The following TMEM115 variants were observed in gnomAD, a reference collection of about 807,000 sequenced individuals.
TMEM115 encodes transmembrane protein 115.
Under a neutral mutation model 20.1 loss-of-function variants are expected in TMEM115, and 8 were observed. That is an observed-to-expected ratio of 0.40 (90% CI 0.23 to 0.72). The LOEUF (loss-of-function observed/expected upper bound fraction) is 0.72, where lower values mean the gene tolerates loss of function less well. TMEM115 is among the 30% of genes least tolerant of loss of function. The pLI, the probability that TMEM115 is intolerant of heterozygous loss-of-function variation, is 0.39. For missense variants in TMEM115, 374 were observed against 455.1 expected (o/e 0.82, Z 1.62); for synonymous variants, 229 against 206.2 (o/e 1.11, Z -0.95).
intron 1 of TMEM115, among the ~76,000 whole-genome samples, chr3:50,356,015 G>C (rs1703863610): frequency 6.6e-6 from 1 of 152,208 alleles, no homozygotes; most frequent in Non-Finnish European, 1.5e-5. Context: ...GAGCCTCCTG[G>C]CAAGGGTCAA....
At position 50,358,282 on chromosome 3, in the gene TMEM115, T is replaced by C; in HGVS notation, c.782A>G (p.Asp261Gly). The change falls in exon 1 of 2, where the codon GAT (aspartate) becomes GGT (glycine). Residue 261 changes from aspartate (D) to glycine (G), a missense_variant. Transcript: ENST00000266025. ...KICQKTVKRY[D>G]VGAPSSITIS... ...GGTGATGGAGGATGGGGCACCCACA[T>C]CGTAGCGCTTCACCGTCTTCTGGCA... 3 of 1,613,790 alleles carry C rather than the reference T, an allele frequency of 1.9e-6. No homozygotes were observed. The highest frequency in any genetic ancestry group is 2.5e-6 in the Non-Finnish European group (3 of 1,180,016).
Position 50,359,260 on chromosome 3 carries a change from C to G in TMEM115, c.-197G>C. On this transcript the variant is annotated 5_prime_UTR_variant, in exon 1 of 2. Transcript: ENST00000266025. ...GTCGGGCCTTGTTGCCGGGCCGCAGCGTAGGCCCCTCGCCCGGGACCTGAG... is the reference window on the plus strand; with the variant it reads ...GTCGGGCCTTGTTGCCGGGCCGCAGGGTAGGCCCCTCGCCCGGGACCTGAG... 1.1e-6 allele frequency: 1 copy of G among 878,990 alleles called. No homozygotes were observed. The highest frequency in any genetic ancestry group is 2.7e-5 in the East Asian group (1 of 36,956). 54.4% of individuals were successfully genotyped at this position (878,990 alleles called of 1,614,324 possible). A position where few individuals can be genotyped will look rare whatever the true frequency, so the allele number is the denominator to read the frequency against.
intron 1 of TMEM115, among the ~76,000 whole-genome samples, chr3:50,356,750 C>A (rs1220523036): frequency 6.6e-6 from 1 of 152,202 alleles, no homozygotes; most frequent in Non-Finnish European, 1.5e-5. Flanking sequence ...TCCTGGTAGC[C>A]CTTTGGAGTT....
At position 50,355,451 on chromosome 3, in the gene TMEM115, G is replaced by A; in HGVS notation, c.948C>T (p.Ala316=). 1 of 1,605,258 alleles carries A rather than the reference G, an allele frequency of 6.2e-7. No individual in the cohort carries two copies. ...CTGAGGGCAGGGGGCTGTCCACCTT[G>A]GCCCCAGACTCCTCTTCATCATCAT... ...SMDDDEEESG[A]KVDSPLPSDK... The change falls in exon 2 of 2, where the codon GCC becomes GCT. Residue 316 remains alanine (A), a synonymous_variant. Coordinates refer to ENST00000266025, the MANE Select transcript of TMEM115 (RefSeq NM_007024.5).
At chr3:50,355,604 C>T in intron 1 of TMEM115, 57 bp from the exon 2 acceptor site, 2 of 1,461,772 alleles carry the variant, frequency 1.4e-6, no homozygotes, top group South Asian at 1.4e-5. Context: ...CTCATGCCCT[C>T]TACCCTTCCG....
chr3:50,358,173 T>C, intron 1 of TMEM115, 40 bp downstream of exon 1: 1 of 1,601,538 alleles, frequency 6.2e-7, no homozygotes, highest in Non-Finnish European at 8.5e-7. Flanking sequence ...TCGACCAGTA[T>C]GCTCCTAGCT....
At chr3:50,356,089 T>G (rs1464528918) in intron 1 of TMEM115, among the ~76,000 whole-genome samples, 9 of 152,198 alleles carry the variant, frequency 5.9e-5, no homozygotes, top group African/African-American at 1.9e-4. Flanking sequence ...CCAACTTGGG[T>G]GAGTCTACCC....
intron 1 of TMEM115, among the ~76,000 whole-genome samples, chr3:50,357,875 C>A (rs1031637789): frequency 6.6e-6 from 1 of 152,230 alleles, no homozygotes; most frequent in Non-Finnish European, 1.5e-5. Context: ...AAAGTACCAG[C>A]AGGTTGCTTC....
In TMEM115 at chr3:50,359,229, G is replaced by C. The variant is rs980639285; in HGVS notation, c.-166C>G. The C allele has an allele frequency of 2.2e-5, 25 of 1,113,828 alleles. No individual in the cohort carries two copies. The highest frequency in any genetic ancestry group is 4.7e-5 in the African/African-American group (3 of 63,350). The allele number at this position is 1,113,828 out of a possible 1,614,324, so 69.0% of individuals were successfully genotyped here. A position where few individuals can be genotyped will look rare whatever the true frequency, so the allele number is the denominator to read the frequency against. ...ATCGGGTGGGGCTCTGGTCCCGAGG[G>C]GCCGAGTCGGGCCTTGTTGCCGGGC... On this transcript the variant is annotated 5_prime_UTR_variant, in exon 1 of 2. Coordinates refer to ENST00000266025, the MANE Select transcript of TMEM115 (RefSeq NM_007024.5).
chr3:50,358,128 A>C (rs968243184), intron 1 of TMEM115, 85 bp downstream of exon 1: 35 of 1,534,464 alleles, frequency 2.3e-5, no homozygotes, highest in Non-Finnish European at 2.8e-5. Context: ...GTCTCCACCT[A>C]TGTACAGCGA....
In TMEM115 at chr3:50,358,583, C is replaced by G. The variant is rs762707851; in HGVS notation, c.481G>C (p.Val161Leu). The change falls in exon 1 of 2, where the codon GTG (valine) becomes CTG (leucine). Residue 161 changes from valine (V) to leucine (L), a missense_variant. Transcript: ENST00000266025. ...QTMGDCVVLRVPQVRVSVMPM... is the reference protein window; with the variant it reads ...QTMGDCVVLRLPQVRVSVMPM... ...ATCACACTGACGCGCACCTGGGGCA[C>G]TCGCAGGACCACACAGTCCCCCATG... 1 of 1,610,884 alleles carries G rather than the reference C, an allele frequency of 6.2e-7. No homozygotes were observed. The highest frequency in any genetic ancestry group is 1.7e-5 in the Admixed American group (1 of 59,516).
chr3:50,355,349 C>T lies in TMEM115; in HGVS notation c.1050G>A (p.Thr350=), dbSNP rs747812870. ...CACTCAAGGTGGTCTGGAGTTACAG[C>T]GTCGGGGGAGCTGCCTCGAAGGTGA... is the stretch of plus-strand genomic sequence containing the variant. The part of the protein sequence containing the change: ...SLITFEAAPP[T]L The change falls in exon 2 of 2, where the codon ACG becomes ACA. Residue 350 remains threonine, a synonymous_variant. Coordinates refer to ENST00000266025, the MANE Select transcript of TMEM115 (RefSeq NM_007024.5). 12 of 1,489,042 alleles carry T rather than the reference C, an allele frequency of 8.1e-6. No homozygotes were observed. The highest frequency in any genetic ancestry group is 1.4e-5 in the African/African-American group (1 of 70,028). 92.2% of individuals were successfully genotyped at this position (1,489,042 alleles called of 1,614,324 possible).
chr3:50,356,179 G>A (rs150141514), intron 1 of TMEM115, among the ~76,000 whole-genome samples: 32 of 152,334 alleles, frequency 2.1e-4, no homozygotes, highest in African/African-American at 7.2e-4. Flanking sequence ...GGGACTTAGC[G>A]GAGCCCTTGC....
intron 1 of TMEM115, 76 bp from the exon 2 acceptor site, chr3:50,355,623 T>C (rs971191852): frequency 2.2e-6 from 3 of 1,357,614 alleles, no homozygotes; most frequent in Non-Finnish European, 3.0e-6. Context: ...CGCAGCAGGC[T>C]GACTCCTCAC....
chr3:50,358,500 G>C lies in TMEM115; in HGVS notation c.564C>G (p.Ser188Arg), dbSNP rs983163001. The C allele has an allele frequency of 6.2e-7, 1 of 1,612,488 alleles. No homozygotes were observed. The highest frequency in any genetic ancestry group is 1.3e-5 in the African/African-American group (1 of 75,050). Residue 188 changes from serine (S) to arginine (R), a missense_variant, in exon 1 of 2, where the codon AGC (serine) becomes AGG (arginine). By Grantham distance (110) the Ser-to-Arg change is moderately radical. Transcript: ENST00000266025. ...CGAAGCCATAGGAAGCCAGCGCCGG[G>C]CTCTGGAGCAGCGTGGCGAGCCGCA... ...LLLRLATLLQ[S>R]PALASYGFGL...
At position 50,358,967 on chromosome 3, in the gene TMEM115, G is replaced by A. The variant is rs767934822; in HGVS notation, c.97C>T (p.Leu33Phe). The change falls in exon 1 of 2, where the codon CTC becomes TTC. Residue 33 changes from leucine (L) to phenylalanine (F), a missense_variant. By Grantham distance (22) the Leu-to-Phe change is conservative (BLOSUM62 0). Transcript: ENST00000266025. ...TCCACGGCGAAGGAGAGCAGGTAGA[G>A]GAATAGTACCGCCGCACACAGAGCC... ...VKALCAAVLF[L>F]YLLSFAVDTG... The A allele has an allele frequency of 3.7e-6, 6 of 1,608,122 alleles. No homozygotes were observed. The highest frequency in any genetic ancestry group is 2.2e-5 in the East Asian group (1 of 44,634).
intron 1 of TMEM115, among the ~76,000 whole-genome samples, chr3:50,356,944 C>T (rs1255444369): frequency 6.6e-6 from 1 of 152,182 alleles, no homozygotes; most frequent in Non-Finnish European, 1.5e-5. Context: ...TCCAGCCAAC[C>T]CTAACATTCC....
chr3:50,359,511 C>G lies in TMEM115; in HGVS notation c.-448G>C, dbSNP rs1703932505. 1 of 160,850 alleles carries G rather than the reference C, an allele frequency of 6.2e-6. No homozygotes were observed. Among genetic ancestry groups the G allele is most frequent in the Admixed American group, 6.0e-5 (1 of 16,702 alleles). The allele number at this position is 160,850 out of a possible 1,614,324, so 10.0% of individuals were successfully genotyped here. A position where few individuals can be genotyped will look rare whatever the true frequency, so the allele number is the denominator to read the frequency against. The stretch of plus-strand genomic sequence containing the variant: ...CGTACCTCTTCTCTCGGGGGGCCGA[C>G]AAACAGGGGTGCTGCGCCTGCGCGT... On this transcript the variant is annotated 5_prime_UTR_variant, in exon 1 of 2. Coordinates refer to ENST00000266025, the MANE Select transcript of TMEM115 (RefSeq NM_007024.5).
At position 50,358,946 on chromosome 3, in the gene TMEM115, C is replaced by T. The variant is rs144686753; in HGVS notation, c.118G>A (p.Val40Met). 546 of 1,612,018 alleles carry T rather than the reference C, an allele frequency of 3.4e-4. No homozygotes were observed. Among genetic ancestry groups the T allele is most frequent in the Non-Finnish European group, 4.4e-4 (518 of 1,179,692 alleles). ...VLFLYLLSFA[V>M]DTGCLAVTPG... is the part of the protein sequence containing the mutation. Reference sequence around the variant, plus strand: ...GTGACCGCCAGGCAGCCTGTGTCCACGGCGAAGGAGAGCAGGTAGAGGAAT... The same window carrying T: ...GTGACCGCCAGGCAGCCTGTGTCCATGGCGAAGGAGAGCAGGTAGAGGAAT... The change falls in exon 1 of 2, where the codon GTG (valine) becomes ATG (methionine). Residue 40 changes from valine (V) to methionine (M), a missense_variant. Coordinates refer to ENST00000266025, the MANE Select transcript of TMEM115 (RefSeq NM_007024.5).
Sources: allele counts gnomAD v4.1 joint callset (sites outside exome capture counted in the v4.1 genomes callset), GRCh38; gene constraint gnomAD v4.1.1; transcripts MANE v1.5; gene names NCBI Gene and HGNC (gene_info 2026-07-23, HGNC 2026-07-21).